Variants in UHRF1 observed in about 807,000 individuals in gnomAD.
The protein encoded by UHRF1 is E3 ubiquitin-protein ligase UHRF1.
A neutral mutation model predicts 96.5 loss-of-function variants in UHRF1; 9 were observed. The ratio of observed to expected loss-of-function variants is 0.09; its 90% CI spans 0.06 to 0.16. UHRF1 has a LOEUF of 0.16. UHRF1 is among the 10% of genes least tolerant of loss of function. The pLI, the probability that UHRF1 is intolerant of heterozygous loss-of-function variation, is 1.00. For synonymous variants in UHRF1, 455 were observed against 469.9 expected (o/e 0.97, Z 0.41); for missense variants, 626 against 1,131.1 (o/e 0.55, Z 6.40).
upstream of UHRF1, among the ~76,000 whole-genome samples, chr19:4,906,823 C>G (rs987320471): frequency 6.6e-6 from 1 of 152,148 alleles, no homozygotes; most frequent in African/African-American, 2.4e-5. Flanking sequence ...TTCGCAACAG[C>G]GCTACAAACA....
chr19:4,944,212 A>G lies in UHRF1; in HGVS notation c.1154A>G (p.Lys385Arg). The G allele has an allele frequency of 6.2e-7, 1 of 1,614,052 alleles. No homozygotes were observed. The highest frequency in any genetic ancestry group is 8.5e-7 in the Non-Finnish European group (1 of 1,179,888). The change falls in exon 8 of 17, where the codon AAG becomes AGG. Residue 385 changes from lysine (K) to arginine (R), a missense_variant. Physicochemically the swap from Lys to Arg is conservative, Grantham distance 26. Coordinates refer to ENST00000650932, the MANE Select transcript of UHRF1 (RefSeq NM_001048201.3). ...CTGAGAGAGAGCAAGAAGAAGGCGAAGATGGCCTCGGCCACATCGTCCTCA... is the reference window on the plus strand; with the variant it reads ...CTGAGAGAGAGCAAGAAGAAGGCGAGGATGGCCTCGGCCACATCGTCCTCA... ...ERLRESKKKA[K>R]MASATSSSQR...
chr19:4,957,369 C>T (rs543958330), intron 16 of UHRF1, among the ~76,000 whole-genome samples: 13 of 142,154 alleles, frequency 9.1e-5, no homozygotes, highest in Non-Finnish European at 1.8e-4. Context: ...AGTGCAGTGG[C>T]GCAGTCTCCA....
intron 5 of UHRF1, among the ~76,000 whole-genome samples, chr19:4,940,359 ATTTTTTTTTTTT>A (rs543779456): frequency 1.5e-5 from 1 of 67,066 alleles, no homozygotes; most frequent in Admixed American, 2.2e-4. Flanking sequence ...TGCCTTTATG[ATTTTTTTTTTTT>A]TTTTTTTTTT....
chr19:4,958,528 C>T (rs112647705), intron 16 of UHRF1, among the ~76,000 whole-genome samples: 4 of 152,214 alleles, frequency 2.6e-5, no homozygotes, highest in South Asian at 2.1e-4. Flanking sequence ...GGTGTGAAGG[C>T]GCGGAAGCGC....
In UHRF1 at chr19:4,954,839, C is replaced by T. The variant is rs372040405; in HGVS notation, c.2130+17C>T. The T allele has an allele frequency of 9.3e-6, 15 of 1,610,320 alleles. No individual in the cohort carries two copies. The African/African-American group carries it at 1.9e-4, about 20-fold the overall frequency. ...GGCAGCCCGGTAGGCTCGCACGGCT[C>T]ACTCGTCGCCCTGATTTGCGTTGAC... On this transcript the variant is annotated intron_variant, in intron 15 of 16. Coordinates refer to ENST00000650932, the MANE Select transcript of UHRF1 (RefSeq NM_001048201.3). This position sits in a 1 kb window ranked among gnomAD's most constrained non-coding sequence, Gnocchi z 5.9.
chr19:4,907,704 C>CTTTT (rs59867968), upstream of UHRF1, among the ~76,000 whole-genome samples: 7 of 47,692 alleles, frequency 1.5e-4, no homozygotes, highest in East Asian at 6.4e-4. Context: ...TTGGCCTGAT[C>CTTTT]TTTTTTTTTT....
chr19:4,957,664 C>T (rs549752442), intron 16 of UHRF1, among the ~76,000 whole-genome samples: 2 of 152,196 alleles, frequency 1.3e-5, no homozygotes, highest in Admixed American at 1.3e-4. Context: ...TCTCTTCCCC[C>T]CTGTGCTGTG....
chr19:4,949,473 GACACAC>G (rs10580944), intron 11 of UHRF1, among the ~76,000 whole-genome samples: 80 of 147,794 alleles, frequency 5.4e-4, no homozygotes, highest in Middle Eastern at 3.5e-3. Flanking sequence ...TTGGCACATA[GACACAC>G]ACACACACAC....
Position 4,954,017 on chromosome 19 carries a change from A to G in UHRF1, c.1819-333A>G, listed in dbSNP as rs1361358249. Among the ~76,000 whole-genome samples the G allele has an allele frequency of 6.6e-6, 1 of 152,148 alleles. No homozygotes were observed. The highest frequency in any genetic ancestry group is 6.6e-5 in the Admixed American group (1 of 15,266). ...CTGTGGGACGATGCAATGTTTCATC[A>G]TGCAGTGTGCGTGATGTGAGGTGGC... On this transcript the variant is annotated intron_variant, in intron 13 of 16. Coordinates refer to ENST00000650932, the MANE Select transcript of UHRF1 (RefSeq NM_001048201.3). This position sits in a 1 kb window ranked among gnomAD's most constrained non-coding sequence, Gnocchi z 5.9.
At chr19:4,923,930 C>T (rs545373734) in intron 2 of UHRF1, among the ~76,000 whole-genome samples, 20 of 152,240 alleles carry the variant, frequency 1.3e-4, no homozygotes, top group African/African-American at 4.8e-4. Flanking sequence ...GTGGCTTGTC[C>T]CATGCTGCTT....
At chr19:4,925,027 A>G (rs1175042429) in intron 2 of UHRF1, among the ~76,000 whole-genome samples, 1 of 151,824 alleles carries the variant, frequency 6.6e-6, no homozygotes, top group Non-Finnish European at 1.5e-5. Flanking sequence ...AGGTTTCACC[A>G]TGTTGGCCAG....
At chr19:4,922,172 C>G (rs2032722682) in intron 2 of UHRF1, among the ~76,000 whole-genome samples, 2 of 152,118 alleles carry the variant, frequency 1.3e-5, no homozygotes, top group South Asian at 4.1e-4. Flanking sequence ...GTCTCGAACT[C>G]CTGATCTCAA....
rs2033413554 is a variant in UHRF1, at chr19:4,941,841, A to G, written c.983A>G (p.Asp328Gly). Residue 328 changes from aspartate (D) to glycine (G), a missense_variant, in exon 7 of 17, where the codon GAC (aspartate) becomes GGC (glycine). Around this residue, in one of 11 missense-constraint regions of UHRF1, gnomAD observed 69 missense variants for 159.8 expected, o/e 0.43. Transcript: ENST00000650932. ...CTGTGCGGGGGCCGGCAGGACCCCG[A>G]CAAGCAGCTCATGTGCGATGAGTGC... ...CHLCGGRQDP[D>G]KQLMCDECDM... 7 of 1,575,342 alleles carry G rather than the reference A, an allele frequency of 4.4e-6. No homozygotes were observed. In the South Asian group the frequency reaches 7.0e-5, roughly 16 times the overall value.
intron 5 of UHRF1, among the ~76,000 whole-genome samples, chr19:4,940,006 A>G (rs2033340494): frequency 1.3e-5 from 2 of 149,804 alleles, no homozygotes; most frequent in African/African-American, 4.9e-5. Context: ...CCTGGGCGAC[A>G]GAGCGAGACT....
In UHRF1 at chr19:4,930,872, G is replaced by A. The variant is rs749014008; in HGVS notation, c.565G>A (p.Asp189Asn). ...GGACGTCATTTACCACGTGAAATAC[G>A]ACGAGTGAGTCATGGCAGGTGGGCG... is the stretch of plus-strand genomic sequence containing the variant. ...EEDVIYHVKYDDYPENGVVQM... is the reference protein window; with the variant it reads ...EEDVIYHVKYNDYPENGVVQM... Residue 189 changes from aspartate (D) to asparagine (N), a missense_variant, in exon 4 of 17, where the codon GAC becomes AAC. This residue lies in a region of UHRF1 where 198 missense variants were observed against 235.1 expected (regional missense o/e 0.84). Coordinates refer to ENST00000650932, the MANE Select transcript of UHRF1 (RefSeq NM_001048201.3). The surrounding 1 kb of genome is among the most constrained non-coding windows in gnomAD (Gnocchi z 4.4). The A allele has an allele frequency of 3.7e-6, 6 of 1,613,820 alleles. No individual in the cohort carries two copies. Among genetic ancestry groups the A allele is most frequent in the East Asian group, 2.2e-5 (1 of 44,878 alleles).
At chr19:4,907,326 G>T (rs2032084852), upstream of UHRF1, among the ~76,000 whole-genome samples, 1 of 152,022 alleles carries the variant, frequency 6.6e-6, no homozygotes, top group African/African-American at 2.4e-5. Flanking sequence ...CTGAAGTGCA[G>T]TGGCACGATC....
Position 4,954,586 on chromosome 19 carries a change from G to A in UHRF1, c.1958-64G>A, listed in dbSNP as rs964310500. On this transcript the variant is annotated intron_variant, in intron 14 of 16. Coordinates refer to ENST00000650932, the MANE Select transcript of UHRF1 (RefSeq NM_001048201.3). The surrounding 1 kb of genome is among the most constrained non-coding windows in gnomAD (Gnocchi z 5.9). ...TTGAGGTCGTGTGGACGTGGGAGCC[G>A]GTGGCTGTCTCTCCGGCAGCTCGGG... 5.3e-5 allele frequency: 84 copies of A among 1,591,478 alleles called. No homozygotes were observed. The highest frequency in any genetic ancestry group is 1.3e-4 in the African/African-American group (10 of 74,100).
intron 4 of UHRF1, among the ~76,000 whole-genome samples, chr19:4,932,225 G>T (rs1399890686): frequency 1.3e-5 from 2 of 151,392 alleles, no homozygotes; most frequent in Admixed American, 1.3e-4. Flanking sequence ...GCCCGGCCAT[G>T]CCTGGCTAAT....
chr19:4,929,120 C>A (rs987130809), intron 2 of UHRF1, 102 bp from the exon 3 acceptor site: 4 of 1,472,944 alleles, frequency 2.7e-6, no homozygotes, highest in South Asian at 1.3e-5. Context: ...TTGCCCCCCC[C>A]CCACAAGGGC....
Sources: gnomAD v4.1 joint callset for allele counts (sites outside exome capture counted in the v4.1 genomes callset) on GRCh38, gnomAD v4.1.1 for gene constraint, gnomAD v4.1.1 regional missense constraint, Gnocchi (gnomAD v3.1) non-coding constraint, MANE v1.5 for transcripts, NCBI Gene and HGNC (gene_info 2026-07-23, HGNC 2026-07-21) for gene names.